Variants in POLR3A observed in about 807,000 individuals in gnomAD.
POLR3A encodes DNA-directed RNA polymerase III subunit RPC1.
A neutral mutation model predicts 152.8 loss-of-function variants in POLR3A; 112 were observed. That is an observed-to-expected ratio of 0.73 (90% CI 0.63 to 0.86). The LOEUF is 0.86. Among genes scored for constraint, POLR3A ranks in the 40% least tolerant of loss-of-function variants. The pLI is 0.00. For synonymous variants in POLR3A, 615 were observed against 652.1 expected, an observed-to-expected ratio of 0.94 and a Z score of 0.87; for missense variants, 1,385 against 1,743.1, an observed-to-expected ratio of 0.79 and a Z score of 3.66.
At chr10:77,984,076 G>T in intron 25 of POLR3A, 64 bp from the exon 26 acceptor site, 1 of 1,355,816 alleles carries the variant, frequency 7.4e-7, no homozygotes, top group Non-Finnish European at 1.1e-6. Flanking sequence ...GCACACGACT[G>T]CTTGCTTTTT....
chr10:78,007,237 A>C (rs1187430890), intron 15 of POLR3A, among the ~76,000 whole-genome samples: 1 of 152,230 alleles, frequency 6.6e-6, no homozygotes, highest in Non-Finnish European at 1.5e-5. Context: ...AGAGTGGAAT[A>C]AAGTTTTGGG....
At chr10:78,013,476 G>T (rs1847486100) in intron 11 of POLR3A, 174 bp downstream of exon 11, 1 of 675,046 alleles carries the variant, frequency 1.5e-6, no homozygotes, top group African/African-American at 1.8e-5. Flanking sequence ...TTCTTCAAAG[G>T]CTCAAAAGAA....
At chr10:78,027,690 A>G (rs1847650483) in intron 1 of POLR3A, among the ~76,000 whole-genome samples, 1 of 122,344 alleles carries the variant, frequency 8.2e-6, no homozygotes. Flanking sequence ...AGCTGGGGTT[A>G]CAGGCATACA....
At chr10:77,981,205 G>A (rs967553944) in intron 29 of POLR3A, among the ~76,000 whole-genome samples, 1 of 152,144 alleles carries the variant, frequency 6.6e-6, no homozygotes, top group South Asian at 2.1e-4. Flanking sequence ...CACCGACTGG[G>A]TATGAGTTTG....
chr10:77,977,461 T>G lies in POLR3A; in HGVS notation c.*17A>C, dbSNP rs756517107. 2 of 1,613,204 alleles carry G rather than the reference T, an allele frequency of 1.2e-6. No individual in the cohort carries two copies. Among genetic ancestry groups the G allele is most frequent in the East Asian group, 4.5e-5 (2 of 44,850 alleles). On this transcript the variant is annotated 3_prime_UTR_variant, in exon 31 of 31. Coordinates refer to ENST00000372371, the MANE Select transcript of POLR3A (RefSeq NM_007055.4). ...GACAAGGAGTCAAGGTCAGGCATGG[T>G]CCCCTCTTTCTTTGGACTATGTGAC...
chr10:77,987,764 G>C (rs1847211320), intron 21 of POLR3A, among the ~76,000 whole-genome samples: 1 of 152,184 alleles, frequency 6.6e-6, no homozygotes, highest in Non-Finnish European at 1.5e-5. Context: ...AGAACTTTAT[G>C]TTCCTGTTAA....
chr10:78,020,897 C>G (rs1219412957), intron 8 of POLR3A, among the ~76,000 whole-genome samples: 1 of 152,126 alleles, frequency 6.6e-6, no homozygotes, highest in Non-Finnish European at 1.5e-5. Context: ...AAATCTATCC[C>G]AAGAAAATTA....
chr10:78,018,243 G>A (rs1418162084), intron 9 of POLR3A, among the ~76,000 whole-genome samples: 1 of 151,580 alleles, frequency 6.6e-6, no homozygotes, highest in East Asian at 1.9e-4. Context: ...GCTCATGGCT[G>A]TAATCCTAGC....
In POLR3A at chr10:78,021,554, G is replaced by A. The variant is rs939567399; in HGVS notation, c.1177C>T (p.Pro393Ser). ...PVHVAKILTF[P>S]EKVNKANINF... ...GCTGAGTGGTCACTTACCTTCTCAG[G>A]AAAAGTTAGAATTTTGGCCACATGA... The change falls in exon 8 of 31, where the codon CCT becomes TCT. Residue 393 changes from proline (P) to serine (S), a missense_variant. Physicochemically the swap from Pro to Ser is moderately conservative, Grantham distance 74. Coordinates refer to ENST00000372371, the MANE Select transcript of POLR3A (RefSeq NM_007055.4). 5.6e-6 allele frequency: 9 copies of A among 1,613,988 alleles called. No homozygotes were observed. Among genetic ancestry groups the A allele is most frequent in the Admixed American group, 5.0e-5 (3 of 60,010 alleles).
At position 78,013,751 on chromosome 10, in the gene POLR3A, A is replaced by T. The variant is rs780009941; in HGVS notation, c.1471T>A (p.Cys491Ser). 1.2e-6 allele frequency: 2 copies of T among 1,614,114 alleles called. No homozygotes were observed. Among genetic ancestry groups the T allele is most frequent in the South Asian group, 2.2e-5 (2 of 91,082 alleles). Residue 491 changes from cysteine to serine, a missense_variant, in exon 11 of 31, where the codon TGT becomes AGT. Physicochemically the swap from Cys to Ser is moderately radical, Grantham distance 112. Transcript: ENST00000372371. ...KPHRTFRFNE[C>S]VCTPYNADFD... ...TCAGCATTATAGGGTGTACAGACACACTCATTAAATCTGAAGGTCCGGTGG... is the reference window on the plus strand; with the variant it reads ...TCAGCATTATAGGGTGTACAGACACTCTCATTAAATCTGAAGGTCCGGTGG...
chr10:77,981,637 C>T, intron 28 of POLR3A, 78 bp from the exon 29 acceptor site: 1 of 1,541,502 alleles, frequency 6.5e-7, no homozygotes, highest in Non-Finnish European at 9.0e-7. Context: ...CTCCTCTGCC[C>T]TGCAGTTTCA....
In POLR3A at chr10:78,026,087, G is replaced by T; in HGVS notation, c.180+7C>A. 1.2e-6 allele frequency: 2 copies of T among 1,613,972 alleles called. No homozygotes were observed. The highest frequency in any genetic ancestry group is 8.5e-7 in the Non-Finnish European group (1 of 1,179,914). On this transcript the variant is annotated splice_region_variant and intron_variant, in intron 2 of 30. Transcript: ENST00000372371. ...CACAGTTACCAGGAGGGGTGAGGGG[G>T]CCTTACCATCCTATGGTCGAGCACC... is the stretch of plus-strand genomic sequence containing the variant.
At chr10:78,011,412 T>C (rs80054648) in intron 11 of POLR3A, among the ~76,000 whole-genome samples, 4,868 of 152,292 alleles carry the variant, frequency 0.032, 288 homozygotes, top group African/African-American at 0.11. Flanking sequence ...AGGCTCTGTG[T>C]GTATGAGAGT....
At chr10:78,016,872 C>CAA (rs201996598) in intron 10 of POLR3A, among the ~76,000 whole-genome samples, 5 of 79,612 alleles carry the variant, frequency 6.3e-5, no homozygotes, top group Admixed American at 1.4e-4. Flanking sequence ...AGACTGTCTC[C>CAA]AAAAAAAAAA....
rs140905949 is a variant in POLR3A at position 78,001,885 on chromosome 10, CA to C, written c.2359+311del. On this transcript the variant is annotated intron_variant, in intron 17 of 30. Coordinates refer to ENST00000372371, the MANE Select transcript of POLR3A (RefSeq NM_007055.4). ...TCTCAAACTCCTGGGCTCAAGCAAT[CA>C]ATCGGCCTCGGCCTCAGCCTCCCAA... Among the ~76,000 whole-genome samples the C allele has an allele frequency of 0.054, 8,179 of 151,956 alleles. 720 individuals carry two copies. The highest frequency in any genetic ancestry group is 0.18 in the African/African-American group (7,584 of 41,402).
chr10:77,987,989 G>A (rs1847213599), intron 21 of POLR3A, among the ~76,000 whole-genome samples: 1 of 152,194 alleles, frequency 6.6e-6, no homozygotes, highest in African/African-American at 2.4e-5. Flanking sequence ...CTGAACAGGG[G>A]TTTCTTCGAT....
At position 77,982,744 on chromosome 10, in the gene POLR3A, T is replaced by G. The variant is rs754226210; in HGVS notation, c.3503A>C (p.His1168Pro). ...GGTGACACACACCACAGCCTCACCA[T>G]GAACAGCCACATCACCGGGCTTCAC... ...LRVKPGDVAV[H>P]GEAVVCVTPR... Residue 1168 changes from histidine (H) to proline (P), a missense_variant, in exon 27 of 31, where the codon CAT becomes CCT. Physicochemically the swap from His to Pro is moderately conservative, Grantham distance 77 (BLOSUM62 -2). Around this residue, in one of 7 missense-constraint regions of POLR3A, gnomAD observed 332 missense variants for 400.1 expected, o/e 0.83. Transcript: ENST00000372371. 12 of 1,613,934 alleles carry G rather than the reference T, an allele frequency of 7.4e-6. No homozygotes were observed. The highest frequency in any genetic ancestry group is 3.3e-4 in the Middle Eastern group (2 of 6,048).
intron 13 of POLR3A, 36 bp downstream of exon 13, chr10:78,009,828 C>T (rs763526847): frequency 1.2e-6 from 2 of 1,612,624 alleles, no homozygotes; most frequent in Non-Finnish European, 1.7e-6. Context: ...GACACATACA[C>T]ACACCTGTGC....
intron 16 of POLR3A, among the ~76,000 whole-genome samples, chr10:78,004,247 C>T (rs181753846): frequency 5.9e-5 from 9 of 151,946 alleles, no homozygotes; most frequent in East Asian, 1.9e-4. Flanking sequence ...AGCGAGACTC[C>T]GTCTCAAACA....
Sources: gnomAD v4.1 joint callset for allele counts (sites outside exome capture counted in the v4.1 genomes callset) on GRCh38, gnomAD v4.1.1 for gene constraint, gnomAD v4.1.1 regional missense constraint, MANE v1.5 for transcripts, NCBI Gene and HGNC (gene_info 2026-07-23, HGNC 2026-07-21) for gene names.